The following MYO3B variants were observed in gnomAD, a reference collection of about 807,000 sequenced individuals.
MYO3B encodes myosin-IIIb.
Under a neutral mutation model 174.6 loss-of-function variants are expected in MYO3B, and 156 were observed. The ratio of observed to expected loss-of-function variants is 0.89; its 90% CI spans 0.78 to 1.02. MYO3B has a LOEUF of 1.02. Ranked by LOEUF, MYO3B falls within the 50% of genes least tolerant of loss-of-function variation. The pLI is 0.00. For synonymous variants in MYO3B, 563 were observed against 569.1 expected (o/e 0.99, Z 0.15); for missense variants, 1,632 against 1,639.4 (o/e 1.00, Z 0.08).
At chr2:170,329,152 CA>C (rs57648392) in intron 7 of MYO3B, among the ~76,000 whole-genome samples, 75 of 136,712 alleles carry the variant, frequency 5.5e-4, no homozygotes, top group Non-Finnish European at 6.0e-4. Context: ...ACTCTGTCTC[CA>C]AAAAAAAAAA....
At chr2:170,299,221 A>G (rs2093649003) in intron 7 of MYO3B, among the ~76,000 whole-genome samples, 3 of 152,206 alleles carry the variant, frequency 2.0e-5, no homozygotes, top group Admixed American at 2.0e-4. Flanking sequence ...TAGTGTCTTA[A>G]TAATCTCTGA....
intron 30 of MYO3B, among the ~76,000 whole-genome samples, chr2:170,536,477 C>A (rs1317950982): frequency 6.6e-6 from 1 of 152,158 alleles, no homozygotes; most frequent in Non-Finnish European, 1.5e-5. Context: ...TACTGGGTAT[C>A]CAAACCTGAT....
In MYO3B at chr2:170,217,412, T is replaced by C. The variant is rs2092842516; in HGVS notation, c.603+17T>C. On this transcript the variant is annotated intron_variant, in intron 6 of 34. Coordinates refer to ENST00000408978, the MANE Select transcript of MYO3B (RefSeq NM_138995.5). ...GCCCCTGAGGTAAGCTGGAAATACC[T>C]AGTTCTTTCTTTGCACTTGTTGAAT... is the stretch of plus-strand genomic sequence containing the variant. The C allele has an allele frequency of 6.2e-7, 1 of 1,603,068 alleles. No individual in the cohort carries two copies. Among genetic ancestry groups the C allele is most frequent in the African/African-American group, 1.3e-5 (1 of 74,684 alleles).
chr2:170,246,278 G>A (rs1357374779), intron 7 of MYO3B, among the ~76,000 whole-genome samples: 2 of 152,150 alleles, frequency 1.3e-5, no homozygotes, highest in Non-Finnish European at 2.9e-5. Context: ...ATGGAAGTGT[G>A]TTGCACATTA....
intron 1 of MYO3B, among the ~76,000 whole-genome samples, chr2:170,195,775 C>G (rs183294445): frequency 5.7e-4 from 87 of 152,288 alleles, no homozygotes; most frequent in African/African-American, 2.0e-3. Flanking sequence ...TGTGCTCCCC[C>G]TCCCATAAGG....
intron 25 of MYO3B, 38 bp downstream of exon 25, chr2:170,466,749 G>A (rs1684663713): frequency 1.3e-6 from 2 of 1,599,852 alleles, no homozygotes; most frequent in Middle Eastern, 1.7e-4. Flanking sequence ...TCTTATAAAT[G>A]TAGCTCTACT....
At chr2:170,354,734 C>T (rs990749562) in intron 8 of MYO3B, among the ~76,000 whole-genome samples, 1 of 152,076 alleles carries the variant, frequency 6.6e-6, no homozygotes, top group Non-Finnish European at 1.5e-5. Flanking sequence ...GCTTGGTTGC[C>T]TGAGTTCCTT....
intron 7 of MYO3B, among the ~76,000 whole-genome samples, chr2:170,245,148 G>A (rs2093175749): frequency 6.6e-6 from 1 of 152,156 alleles, no homozygotes; most frequent in Non-Finnish European, 1.5e-5. Context: ...GAGGACATTG[G>A]CAGCCTTTCT....
intron 25 of MYO3B, among the ~76,000 whole-genome samples, chr2:170,469,862 G>A (rs185241350): frequency 1.3e-5 from 2 of 152,128 alleles, no homozygotes; most frequent in East Asian, 3.9e-4. Flanking sequence ...CAGCACTTTG[G>A]GAGGCTGAGG....
chr2:170,586,394 T>C (rs1232098042), intron 32 of MYO3B, among the ~76,000 whole-genome samples: 5 of 152,248 alleles, frequency 3.3e-5, no homozygotes, highest in Admixed American at 1.3e-4. Context: ...ACGTGATTTA[T>C]GTGTTTTTAC....
chr2:170,415,438 T>TATGTATC (rs1474886594), intron 22 of MYO3B, among the ~76,000 whole-genome samples: 2 of 152,260 alleles, frequency 1.3e-5, no homozygotes, highest in Non-Finnish European at 2.9e-5. Context: ...ACATTTTACT[T>TATGTATC]ATGTATCATG....
chr2:170,499,608 A>C, intron 26 of MYO3B, 38 bp from the exon 27 acceptor site: 6 of 1,593,862 alleles, frequency 3.8e-6, no homozygotes, highest in Non-Finnish European at 4.3e-6. Context: ...TCTGTTGAGG[A>C]ACCCATATGT....
chr2:170,619,872 G>A (rs1695767081), intron 32 of MYO3B, among the ~76,000 whole-genome samples: 1 of 147,742 alleles, frequency 6.8e-6, no homozygotes, highest in Admixed American at 7.0e-5. Flanking sequence ...TCAGCCTCCT[G>A]AGTAGCTGGG....
At chr2:170,195,287 A>C (rs1189659342) in intron 1 of MYO3B, among the ~76,000 whole-genome samples, 1 of 151,982 alleles carries the variant, frequency 6.6e-6, no homozygotes, top group African/African-American at 2.4e-5. Flanking sequence ...ACACCGTCCT[A>C]TCCTGTACCC....
chr2:170,402,146 A>G (rs376420122), intron 18 of MYO3B, among the ~76,000 whole-genome samples: 66 of 152,314 alleles, frequency 4.3e-4, no homozygotes, highest in African/African-American at 1.3e-3. Flanking sequence ...TTTATGCCTG[A>G]GGTTGCAATT....
At chr2:170,313,571 A>G (rs2093754109) in intron 7 of MYO3B, among the ~76,000 whole-genome samples, 1 of 152,194 alleles carries the variant, frequency 6.6e-6, no homozygotes, top group Non-Finnish European at 1.5e-5. Flanking sequence ...AGGGACCTAC[A>G]TTATTCAGAT....
intron 32 of MYO3B, among the ~76,000 whole-genome samples, chr2:170,617,844 T>TA (rs1384603860): frequency 6.6e-6 from 1 of 152,232 alleles, no homozygotes; most frequent in African/African-American, 2.4e-5. Context: ...TGAGAAGAAT[T>TA]AAATAACACG....
At chr2:170,387,389 C>T in intron 14 of MYO3B, 81 bp downstream of exon 14, 1 of 1,296,650 alleles carries the variant, frequency 7.7e-7, no homozygotes. Flanking sequence ...GTTCAGTTTT[C>T]ATTCTTGTTC....
At chr2:170,305,312 T>C (rs1049843571) in intron 7 of MYO3B, among the ~76,000 whole-genome samples, 2 of 152,186 alleles carry the variant, frequency 1.3e-5, no homozygotes, top group Admixed American at 6.5e-5. Flanking sequence ...TTCTGTTCTG[T>C]GATTAAAATA....
Sources: gnomAD v4.1 joint callset for allele counts (sites outside exome capture counted in the v4.1 genomes callset) on GRCh38, gnomAD v4.1.1 for gene constraint, MANE v1.5 for transcripts, NCBI Gene and HGNC (gene_info 2026-07-23, HGNC 2026-07-21) for gene names.